The following DENND5B variants were observed in gnomAD, a reference collection of about 807,000 sequenced individuals.
DENND5B encodes the protein DENN domain-containing protein 5B.
In DENND5B, 34 loss-of-function variants were observed where a neutral mutation model predicts 140.6. The ratio of observed to expected loss-of-function variants is 0.24; its 90% CI spans 0.18 to 0.32. The LOEUF (loss-of-function observed/expected upper bound fraction) is 0.32. Ranked by LOEUF, DENND5B falls within the 10% of genes least tolerant of loss-of-function variation. The pLI is 1.00. For synonymous variants in DENND5B, 551 were observed against 562.1 expected (o/e 0.98, Z 0.28); for missense variants, 1,142 against 1,560.2 (o/e 0.73, Z 4.52).
intron 19 of DENND5B, among the ~76,000 whole-genome samples, chr12:31,390,643 C>A (rs1385816017): frequency 6.6e-6 from 1 of 151,184 alleles, no homozygotes; most frequent in East Asian, 2.0e-4. Context: ...CTAAAACAAA[C>A]AAAAAAAATT....
At chr12:31,400,655 A>C (rs1403929879) in intron 15 of DENND5B, among the ~76,000 whole-genome samples, 1 of 152,200 alleles carries the variant, frequency 6.6e-6, no homozygotes, top group Non-Finnish European at 1.5e-5. Context: ...ATGCCTAATA[A>C]CTGTATCAGG....
intron 17 of DENND5B, 119 bp downstream of exon 17, chr12:31,398,056 C>G: frequency 1.0e-6 from 1 of 992,596 alleles, no homozygotes; most frequent in East Asian, 3.3e-5. Context: ...ATGAATTTTC[C>G]TCAACTTTCT....
chr12:31,440,770 T>C (rs1456413241), intron 7 of DENND5B, among the ~76,000 whole-genome samples: 1 of 152,110 alleles, frequency 6.6e-6, no homozygotes, highest in Non-Finnish European at 1.5e-5. Context: ...GTTCAAGTGA[T>C]CCTCCCACCT....
At chr12:31,586,318 A>G (rs768728153) in intron 1 of DENND5B, among the ~76,000 whole-genome samples, 5 of 152,194 alleles carry the variant, frequency 3.3e-5, no homozygotes, top group Non-Finnish European at 7.3e-5. Flanking sequence ...TTTAAAGGGA[A>G]TTTAAACATT....
At chr12:31,524,436 T>A (rs1948014867) in intron 1 of DENND5B, among the ~76,000 whole-genome samples, 1 of 152,172 alleles carries the variant, frequency 6.6e-6, no homozygotes, top group Non-Finnish European at 1.5e-5. Flanking sequence ...GCAAATCACC[T>A]GAGGTCAGGA....
At chr12:31,515,754 A>C (rs1372020122) in intron 1 of DENND5B, among the ~76,000 whole-genome samples, 1 of 152,224 alleles carries the variant, frequency 6.6e-6, no homozygotes, top group Non-Finnish European at 1.5e-5. Context: ...TAGTAACACA[A>C]TATTACTGGT....
At chr12:31,412,438 A>G (rs1942510782) in intron 13 of DENND5B, among the ~76,000 whole-genome samples, 1 of 152,158 alleles carries the variant, frequency 6.6e-6, no homozygotes, top group South Asian at 2.1e-4. Flanking sequence ...ATTCAGAATA[A>G]AATTGTTGCA....
At chr12:31,460,072 T>G (rs570902855) in intron 4 of DENND5B, 122 bp downstream of exon 4, 1 of 950,950 alleles carries the variant, frequency 1.1e-6, no homozygotes, top group Non-Finnish European at 1.5e-6. Context: ...CTAGCCATAC[T>G]TGGAGATTTA....
intron 1 of DENND5B, among the ~76,000 whole-genome samples, chr12:31,517,248 C>A (rs1405736286): frequency 6.6e-6 from 1 of 152,218 alleles, no homozygotes; most frequent in Non-Finnish European, 1.5e-5. Context: ...ACGGTGATTC[C>A]TTTTTTCTCT....
intron 1 of DENND5B, among the ~76,000 whole-genome samples, chr12:31,524,165 C>A (rs1209834700): frequency 6.6e-6 from 1 of 150,972 alleles, no homozygotes; most frequent in African/African-American, 2.4e-5. Flanking sequence ...AAACATAGGG[C>A]TAATTTATGA....
chr12:31,524,041 CTTTTT>C (rs148193944), intron 1 of DENND5B, among the ~76,000 whole-genome samples: 1 of 121,568 alleles, frequency 8.2e-6, no homozygotes, highest in Non-Finnish European at 1.7e-5. Flanking sequence ...CTACTGAGCC[CTTTTT>C]TTTTTTTTTT....
chr12:31,407,793 A>C (rs1305223670), intron 14 of DENND5B, among the ~76,000 whole-genome samples: 2 of 152,228 alleles, frequency 1.3e-5, no homozygotes, highest in African/African-American at 4.8e-5. Flanking sequence ...CCGTGACAGC[A>C]CTGCCCACTG....
chr12:31,454,894 C>T (rs1944702862), intron 4 of DENND5B, among the ~76,000 whole-genome samples: 1 of 143,022 alleles, frequency 7.0e-6, no homozygotes, highest in Non-Finnish European at 1.5e-5. Flanking sequence ...TCTTGGCTCA[C>T]TGCAACCTCT....
intron 1 of DENND5B, among the ~76,000 whole-genome samples, chr12:31,574,504 C>G (rs1043812020): frequency 6.6e-6 from 1 of 151,906 alleles, no homozygotes; most frequent in African/African-American, 2.4e-5. Flanking sequence ...GCAGAAGAAT[C>G]GCTTGAACCT....
chr12:31,484,809 C>A (rs562905890), intron 2 of DENND5B, among the ~76,000 whole-genome samples: 15 of 130,508 alleles, frequency 1.1e-4, no homozygotes, highest in African/African-American at 3.9e-4. Flanking sequence ...TCAAACAAAA[C>A]AAAACAAAAC....
chr12:31,534,950 T>A, intron 1 of DENND5B: 1 of 283,704 alleles, frequency 3.5e-6, no homozygotes, highest in Admixed American at 5.0e-5. Context: ...GGCGTGTGCC[T>A]GTAGTCCCAG....
intron 1 of DENND5B, among the ~76,000 whole-genome samples, chr12:31,588,725 A>T (rs1462816443): frequency 1.3e-5 from 2 of 152,148 alleles, no homozygotes; most frequent in Non-Finnish European, 2.9e-5. Context: ...CGGAGAGATG[A>T]TTGTATTTTC....
At chr12:31,440,095 A>G (rs1004514857) in intron 7 of DENND5B, among the ~76,000 whole-genome samples, 1 of 152,176 alleles carries the variant, frequency 6.6e-6, no homozygotes, top group African/African-American at 2.4e-5. Flanking sequence ...ATTATCATCC[A>G]CTTCTGAAAA....
At chr12:31,406,076 A>T (rs1189901178) in intron 14 of DENND5B, among the ~76,000 whole-genome samples, 1 of 150,092 alleles carries the variant, frequency 6.7e-6, no homozygotes, top group Non-Finnish European at 1.5e-5. Context: ...TGACCTCCTG[A>T]CCTCAGGTGA....
Sources: gnomAD v4.1 joint callset for allele counts (sites outside exome capture counted in the v4.1 genomes callset) on GRCh38, gnomAD v4.1.1 for gene constraint, MANE v1.5 for transcripts, NCBI Gene and HGNC (gene_info 2026-07-23, HGNC 2026-07-21) for gene names.